The following PDCD6 variants were observed in gnomAD, a reference collection of about 807,000 sequenced individuals.
PDCD6 encodes programmed cell death 6, also known as programmed cell death protein 6.
A neutral mutation model predicts 28.3 loss-of-function variants in PDCD6; 12 were observed. That is an observed-to-expected ratio of 0.42 (90% CI 0.27 to 0.69). The LOEUF (loss-of-function observed/expected upper bound fraction) is 0.69. PDCD6 is among the 30% of genes least tolerant of loss of function. PDCD6 has a pLI of 0.22. For missense variants in PDCD6, 226 were observed against 269.9 expected (o/e 0.84, Z 1.14); for synonymous variants, 92 against 108.0 (o/e 0.85, Z 0.92).
intron 5 of PDCD6, 150 bp downstream of exon 5, chr5:311,552 G>T: frequency 1.6e-6 from 1 of 617,274 alleles, no homozygotes; most frequent in Non-Finnish European, 2.9e-6. Flanking sequence ...TGGAGAAGTA[G>T]CCGGTTAGTG....
chr5:311,552 G>A (rs969083521), intron 5 of PDCD6, 150 bp downstream of exon 5: 5 of 617,156 alleles, frequency 8.1e-6, no homozygotes, highest in African/African-American at 1.8e-5. Context: ...TGGAGAAGTA[G>A]CCGGTTAGTG....
At position 294,646 on chromosome 5, in the gene PDCD6, C is replaced by G. The variant is rs35513705; in HGVS notation, c.164-9531C>G. On this transcript the variant is annotated intron_variant, in intron 2 of 5. Transcript: ENST00000264933. Reference sequence around the variant, plus strand: ...TGGAAAGTGGTCCGGGAGTTTCTTACGAAGTTAAGCACATCCTTACCCTGT... The same window carrying G: ...TGGAAAGTGGTCCGGGAGTTTCTTAGGAAGTTAAGCACATCCTTACCCTGT... Among the ~76,000 whole-genome samples the G allele has an allele frequency of 2.7e-5, 4 of 148,116 alleles. No homozygotes were observed. The South Asian group carries it at 8.7e-4, about 32-fold the overall frequency.
chr5:313,784 C>A, intron 5 of PDCD6: 1 of 155,060 alleles, frequency 6.4e-6, no homozygotes. Context: ...AAGCGATCCT[C>A]ACGCCTCGGA....
chr5:284,826 G>GC (rs985960406), intron 2 of PDCD6, among the ~76,000 whole-genome samples: 21 of 151,590 alleles, frequency 1.4e-4, no homozygotes, highest in African/African-American at 4.8e-4. Context: ...TGGAGACCCG[G>GC]GGGGGAGAAG....
intron 2 of PDCD6, among the ~76,000 whole-genome samples, chr5:299,710 T>G (rs571179708): frequency 6.6e-6 from 1 of 152,108 alleles, no homozygotes; most frequent in Non-Finnish European, 1.5e-5. Flanking sequence ...CCGCCATGCC[T>G]GGCTAATTTT....
At chr5:301,114 T>C (rs188763911) in intron 2 of PDCD6, among the ~76,000 whole-genome samples, 5 of 152,348 alleles carry the variant, frequency 3.3e-5, no homozygotes, top group Admixed American at 6.5e-5. Flanking sequence ...CACGTCACAG[T>C]GCAGCCTTCA....
At chr5:282,289 A>T (rs1343057448) in intron 2 of PDCD6, among the ~76,000 whole-genome samples, 1 of 110,102 alleles carries the variant, frequency 9.1e-6, no homozygotes, top group Non-Finnish European at 1.8e-5. Flanking sequence ...GGGGGAGCTG[A>T]TGTTGTTCGC....
rs1226345513 is a variant in PDCD6, at chr5:271,649, G to A, written c.-72G>A. On this transcript the variant is annotated 5_prime_UTR_variant, in exon 1 of 6. Transcript: ENST00000264933. ...AATGCCAGGCCCTGCCCCCGGCAGAGGCGGAAGCGGAGTCGGCCTGAGAGG... is the reference window on the plus strand; with the variant it reads ...AATGCCAGGCCCTGCCCCCGGCAGAAGCGGAAGCGGAGTCGGCCTGAGAGG... The A allele has an allele frequency of 2.1e-5, 18 of 864,758 alleles. 1 individual carries two copies. The highest frequency in any genetic ancestry group is 3.0e-5 in the Non-Finnish European group (16 of 538,110). 53.6% of individuals were successfully genotyped at this position (864,758 alleles called of 1,614,324 possible). A position where few individuals can be genotyped will look rare whatever the true frequency, so the allele number is the denominator to read the frequency against.
In PDCD6 at chr5:303,664, G is replaced by A. The variant is rs538726730; in HGVS notation, c.164-513G>A. 8.3e-4 allele frequency among the ~76,000 whole-genome samples: 126 copies of A among 151,756 alleles called. 2 individuals are homozygous for A. Among genetic ancestry groups the A allele is most frequent in the African/African-American group, 2.8e-3 (114 of 41,120 alleles). ...TTTAGGATGATTACTGAGGGAGAAC[G>A]GAAGGAAGGGGTCTGGTACTTGCAC... On this transcript the variant is annotated intron_variant, in intron 2 of 5. Coordinates refer to ENST00000264933, the MANE Select transcript of PDCD6 (RefSeq NM_013232.4).
intron 2 of PDCD6, among the ~76,000 whole-genome samples, chr5:296,203 A>G (rs374351198): frequency 3.9e-5 from 6 of 152,284 alleles, no homozygotes; most frequent in South Asian, 2.1e-4. Context: ...CTCTGGGACA[A>G]TCAGGCCAGT....
chr5:298,193 T>C (rs536544013), intron 2 of PDCD6, among the ~76,000 whole-genome samples: 1 of 152,232 alleles, frequency 6.6e-6, no homozygotes, highest in Admixed American at 6.5e-5. Flanking sequence ...GGGGCCCCCA[T>C]AGCCCCACTG....
chr5:288,295 TA>T (rs1739106673), intron 2 of PDCD6, among the ~76,000 whole-genome samples: 2 of 107,074 alleles, frequency 1.9e-5, no homozygotes, highest in African/African-American at 5.6e-5. Context: ...ATATATATTA[TA>T]TATATATATA....
At chr5:304,510 GTTAC>G in intron 3 of PDCD6, 1 of 170,226 alleles carries the variant, frequency 5.9e-6, no homozygotes. Context: ...TAAATTATTA[GTTAC>G]TTTCACATCT....
intron 2 of PDCD6, among the ~76,000 whole-genome samples, chr5:285,609 C>CGGGG (rs1738901170): frequency 6.7e-6 from 1 of 149,730 alleles, no homozygotes; most frequent in African/African-American, 2.5e-5. Flanking sequence ...GCTGGAGACC[C>CGGGG]ATGGGGATCT....
intron 2 of PDCD6, among the ~76,000 whole-genome samples, chr5:287,571 A>G (rs983961158): frequency 1.3e-5 from 2 of 152,232 alleles, no homozygotes; most frequent in Non-Finnish European, 2.9e-5. Context: ...GATTATCCTG[A>G]CAGACAAAAT....
chr5:273,683 C>T (rs541480781), intron 2 of PDCD6, among the ~76,000 whole-genome samples: 3 of 137,774 alleles, frequency 2.2e-5, no homozygotes, highest in African/African-American at 3.4e-5. Flanking sequence ...TGCCTCACTG[C>T]GCTGTGGGTG....
At chr5:288,751 G>A (rs1174704845) in intron 2 of PDCD6, 30 of 589,986 alleles carry the variant, frequency 5.1e-5, no homozygotes, top group Admixed American at 4.2e-4. Context: ...AAAACTAAAC[G>A]TGGACTTTTT....
At position 302,711 on chromosome 5, in the gene PDCD6, C is replaced by T. The variant is rs182070088; in HGVS notation, c.164-1466C>T. 5.0e-3 allele frequency among the ~76,000 whole-genome samples: 728 copies of T among 146,554 alleles called. 18 individuals carry two copies. The highest frequency in any genetic ancestry group is 0.041 in the Admixed American group (604 of 14,602). ...CGAGTGCTGCTGTGTGTGTGGGCCA[C>T]GGGTTCAGGTGCACCTGCCTTTGTG... On this transcript the variant is annotated intron_variant, in intron 2 of 5. Transcript: ENST00000264933.
At chr5:282,950 T>A (rs1240337785) in intron 2 of PDCD6, among the ~76,000 whole-genome samples, 1 of 151,982 alleles carries the variant, frequency 6.6e-6, no homozygotes, top group Non-Finnish European at 1.5e-5. Flanking sequence ...GGAGCTGAGG[T>A]TCTAGTTTGA....
Sources: allele counts gnomAD v4.1 joint callset (sites outside exome capture counted in the v4.1 genomes callset), GRCh38; gene constraint gnomAD v4.1.1; transcripts MANE v1.5; gene names NCBI Gene and HGNC (gene_info 2026-07-23, HGNC 2026-07-21).